SHPRH: variants seen among roughly 807,000 people sequenced by gnomAD.
The protein encoded by SHPRH is E3 ubiquitin-protein ligase SHPRH.
In SHPRH, 106 loss-of-function variants were observed where a neutral mutation model predicts 202.5. That is an observed-to-expected ratio of 0.52 (90% CI 0.45 to 0.62). The LOEUF (loss-of-function observed/expected upper bound fraction) is 0.62. Among genes scored for constraint, SHPRH ranks in the 20% least tolerant of loss-of-function variants. SHPRH has a pLI of 0.00. For missense variants in SHPRH, 1,710 were observed against 2,020.0 expected (o/e 0.85, Z 2.94); for synonymous variants, 729 against 686.0 (o/e 1.06, Z -0.98).
At position 145,956,957 on chromosome 6, in the gene SHPRH, A is replaced by G. The variant is rs1264593972; in HGVS notation, c.-32-1603T>C. On this transcript the variant is annotated intron_variant, in intron 1 of 29. Coordinates refer to ENST00000275233, the MANE Select transcript of SHPRH (RefSeq NM_001042683.3). ...AGGAAAGTCAATATAATTTTAGAAAAGAAAAATAAAGTTGAATGACTTACA... is the reference window on the plus strand; with the variant it reads ...AGGAAAGTCAATATAATTTTAGAAAGGAAAAATAAAGTTGAATGACTTACA... Among the ~76,000 whole-genome samples, 4 of 152,164 alleles carry G rather than the reference A, an allele frequency of 2.6e-5. No homozygotes were observed. In the East Asian group the frequency reaches 7.7e-4, roughly 29 times the overall value.
chr6:145,902,685 G>A (rs994877650), intron 25 of SHPRH, among the ~76,000 whole-genome samples: 1 of 152,066 alleles, frequency 6.6e-6, no homozygotes, highest in Non-Finnish European at 1.5e-5. Flanking sequence ...GAGTATTGGT[G>A]TAGAAAGATA....
Position 145,947,619 on chromosome 6 carries a change from A to G in SHPRH, c.1086T>C (p.Ser362=). ...TGCIIREYPN[S]GPQLLGGILA... ...AAATTCCACCAAGCAACTGCGGCCCAGAATTTGGGTACTCACGAATGATGC... is the reference window on the plus strand; with the variant it reads ...AAATTCCACCAAGCAACTGCGGCCCGGAATTTGGGTACTCACGAATGATGC... The change falls in exon 6 of 30, where the codon TCT becomes TCC. Residue 362 remains serine, a synonymous_variant. Coordinates refer to ENST00000275233, the MANE Select transcript of SHPRH (RefSeq NM_001042683.3). 6.2e-7 allele frequency: 1 copy of G among 1,612,742 alleles called. No homozygotes were observed.
At chr6:145,917,203 T>G (rs372752385) in intron 23 of SHPRH, 1 of 152,196 alleles carries the variant, frequency 6.6e-6, no homozygotes, top group Non-Finnish European at 1.5e-5. Flanking sequence ...AAGTGCTTAA[T>G]AGATCAGAAA....
At chr6:145,916,675 T>C (rs960935479) in intron 23 of SHPRH, among the ~76,000 whole-genome samples, 2 of 152,188 alleles carry the variant, frequency 1.3e-5, no homozygotes, top group East Asian at 1.9e-4. Context: ...TTTTAACATA[T>C]AAACAATGAC....
At chr6:145,905,874 CTGCT>C (rs1562304464) in intron 25 of SHPRH, 1 of 152,020 alleles carries the variant, frequency 6.6e-6, no homozygotes, top group Non-Finnish European at 1.5e-5. Flanking sequence ...CACTTCCTTC[CTGCT>C]TGTTTACCCT....
chr6:145,923,300 T>C (rs993311243), intron 18 of SHPRH, among the ~76,000 whole-genome samples: 1 of 151,702 alleles, frequency 6.6e-6, no homozygotes, highest in Non-Finnish European at 1.5e-5. Flanking sequence ...TATACTTAAT[T>C]AAATCTGTAA....
At chr6:145,918,093 G>T in intron 23 of SHPRH, 38 bp downstream of exon 23, 1 of 1,503,070 alleles carries the variant, frequency 6.7e-7, no homozygotes, top group African/African-American at 1.4e-5. Context: ...TTATGATAAT[G>T]CAGCATAGGA....
Position 145,933,148 on chromosome 6 carries a change from A to T in SHPRH, c.3021T>A (p.Ser1007=). The T allele has an allele frequency of 7.4e-6, 12 of 1,613,934 alleles. No individual in the cohort carries two copies. Among genetic ancestry groups the T allele is most frequent in the Non-Finnish European group, 1.0e-5 (12 of 1,179,912 alleles). Residue 1007 remains serine, a synonymous_variant, in exon 14 of 30, where the codon TCT becomes TCA. Coordinates refer to ENST00000275233, the MANE Select transcript of SHPRH (RefSeq NM_001042683.3). ...STMTMEELLT[S]LQKKCGTECE... Reference sequence around the variant, plus strand: ...ATTCAGTTCCACATTTCTTCTGCAAAGATGTCAGCAGCTCTTCCATTGTCA... The same window carrying T: ...ATTCAGTTCCACATTTCTTCTGCAATGATGTCAGCAGCTCTTCCATTGTCA...
rs1200242419 is a variant in SHPRH at position 145,873,713 on chromosome 6, AAGGG to A, written c.222-9226_222-9223del. Among the ~76,000 whole-genome samples, 570 of 87,968 alleles carry A rather than the reference AAGGG, an allele frequency of 6.5e-3. 4 individuals are homozygous for A. Among genetic ancestry groups the A allele is most frequent in the Middle Eastern group, 0.013 (2 of 152 alleles). 57.7% of individuals were successfully genotyped at this position (87,968 alleles called of 152,430 possible). A position where few individuals can be genotyped will look rare whatever the true frequency, so the allele number is the denominator to read the frequency against. On this transcript the variant is annotated intron_variant, in intron 2 of 2. Coordinates refer to the SHPRH transcript ENST00000417762. ...TGCTAGAGGAAGGAAGGAAGGAAGG[AAGGG>A]AGGGAGGGAGGGAGGGAGGGAGGGA... is the stretch of plus-strand genomic sequence containing the variant.
chr6:145,955,006 T>A lies in SHPRH; in HGVS notation c.317A>T (p.Tyr106Phe), dbSNP rs551067107. The A allele has an allele frequency of 1.9e-6, 3 of 1,613,618 alleles. No homozygotes were observed. In the South Asian group the frequency reaches 3.3e-5, roughly 18 times the overall value. ...SVKLNIVISP[Y>F]HFDNSWKAFL... is the part of the protein sequence containing the mutation. The stretch of plus-strand genomic sequence containing the variant: ...TGCTTTCCAGGAATTATCAAAATGA[T>A]AGGGAGAAATCACAATATTTAACTT... The change falls in exon 2 of 30, where the codon TAT becomes TTT. Residue 106 changes from tyrosine (Y) to phenylalanine (F), a missense_variant. By Grantham distance (22) the Tyr-to-Phe change is conservative. Coordinates refer to ENST00000275233, the MANE Select transcript of SHPRH (RefSeq NM_001042683.3).
intron 6 of SHPRH, 99 bp from the exon 7 acceptor site, chr6:145,946,440 A>G: frequency 1.0e-6 from 1 of 966,314 alleles, no homozygotes; most frequent in African/African-American, 1.7e-5. Flanking sequence ...AATGCAAAAC[A>G]GTTCTAAAAA....
chr6:145,954,882 A>T lies in SHPRH; in HGVS notation c.441T>A (p.Asn147Lys). 6.2e-7 allele frequency: 1 copy of T among 1,613,678 alleles called. No homozygotes were observed. Among genetic ancestry groups the T allele is most frequent in the Non-Finnish European group, 8.5e-7 (1 of 1,179,856 alleles). ...SITLMSSESS[N>K]QFLIYVHSKG... ...TTGAATGAACATAAATCAGGAACTG[A>T]TTGCTTGACTCTGAACTCATCAATG... The change falls in exon 2 of 30, where the codon AAT becomes AAA. Residue 147 changes from asparagine to lysine, a missense_variant. This residue lies in a region of SHPRH where 459 missense variants were observed against 426.5 expected (regional missense o/e 1.08). Coordinates refer to ENST00000275233, the MANE Select transcript of SHPRH (RefSeq NM_001042683.3).
At chr6:145,898,656 C>T (rs1431417945) in intron 25 of SHPRH, among the ~76,000 whole-genome samples, 5 of 152,024 alleles carry the variant, frequency 3.3e-5, no homozygotes, top group Non-Finnish European at 5.9e-5. Flanking sequence ...CCTATGAGGG[C>T]AGGCTGTTAT....
intron 4 of SHPRH, among the ~76,000 whole-genome samples, chr6:145,949,603 A>AAAATTAC: frequency 6.6e-6 from 1 of 152,162 alleles, no homozygotes; most frequent in East Asian, 1.9e-4. Flanking sequence ...TGAGGGATGA[A>AAAATTAC]AAATTACATA....
At position 145,910,547 on chromosome 6, in the gene SHPRH, G is replaced by A; in HGVS notation, c.4416C>T (p.Ser1472=). The change falls in exon 25 of 30, where the codon TCC becomes TCT. Residue 1472 remains serine, a synonymous_variant. Transcript: ENST00000275233. ...TCTGGCGGCAGATTGCACACTTAAT[G>A]GAGCTTCTGTGAGATCCCACGCTGT... The part of the protein sequence containing the change: ...EQYSVGSHRS[S]IKCAICRQTT... 6.2e-7 allele frequency: 1 copy of A among 1,612,526 alleles called. No individual in the cohort carries two copies. The highest frequency in any genetic ancestry group is 8.5e-7 in the Non-Finnish European group (1 of 1,179,568).
chr6:145,937,221 T>A (rs1043031853), intron 11 of SHPRH, among the ~76,000 whole-genome samples: 12 of 152,016 alleles, frequency 7.9e-5, no homozygotes, highest in Non-Finnish European at 1.6e-4. Context: ...TGACCTCAGA[T>A]GATCCACCCG....
rs1165969073 is a variant in SHPRH, at chr6:145,924,733, G to C, written c.3402+6C>G. ...TACAAGTAAGAAACACTGCATTTTG[G>C]CATACCTTTCTTTGAAGCTCATGGA... On this transcript the variant is annotated splice_donor_region_variant and intron_variant, in intron 17 of 29. Transcript: ENST00000275233. The C allele has an allele frequency of 6.4e-5, 103 of 1,609,680 alleles. No homozygotes were observed. Among genetic ancestry groups the C allele is most frequent in the Non-Finnish European group, 8.7e-5 (102 of 1,177,032 alleles).
the SHPRH span, among the ~76,000 whole-genome samples, chr6:145,858,674 T>G: frequency 6.6e-6 from 1 of 152,044 alleles, no homozygotes; most frequent in Non-Finnish European, 1.5e-5. Context: ...TCAAAACTTA[T>G]CAAATTTAAC....
chr6:145,868,036 A>G (rs975722751), intron 2 of SHPRH, among the ~76,000 whole-genome samples: 19 of 152,284 alleles, frequency 1.2e-4, no homozygotes, highest in African/African-American at 4.6e-4. Context: ...TTTTCTCACA[A>G]TTCTAGAGGC....
Sources: allele counts gnomAD v4.1 joint callset (sites outside exome capture counted in the v4.1 genomes callset), GRCh38; gene constraint gnomAD v4.1.1; regional missense constraint gnomAD v4.1.1; transcripts MANE v1.5; gene names NCBI Gene and HGNC (gene_info 2026-07-23, HGNC 2026-07-21).